The following KLHL18 variants were observed in gnomAD, a reference collection of about 807,000 sequenced individuals.
KLHL18 encodes the protein kelch like family member 18.
KLHL18 carries 38 observed loss-of-function variants against 58.5 expected under a neutral mutation model. That is an observed-to-expected ratio of 0.65 (90% CI 0.50 to 0.85). The LOEUF is 0.85. Ranked by LOEUF, KLHL18 falls within the 40% of genes least tolerant of loss-of-function variation. KLHL18 has a pLI of 0.00. For missense variants in KLHL18, 624 were observed against 778.4 expected (o/e 0.80, Z 2.36); for synonymous variants, 303 against 301.9 (o/e 1.00, Z -0.04).
rs1704136863 is a variant in KLHL18 at position 47,342,778 on chromosome 3, A to G, written c.1286A>G (p.Glu429Gly). 15 of 1,614,150 alleles carry G rather than the reference A, an allele frequency of 9.3e-6. No individual in the cohort carries two copies. The highest frequency in any genetic ancestry group is 1.3e-5 in the Non-Finnish European group (15 of 1,180,012). Residue 429 changes from glutamate (E) to glycine (G), a missense_variant, in exon 9 of 10, where the codon GAG becomes GGG. By Grantham distance (98) the Glu-to-Gly change is moderately conservative. Transcript: ENST00000232766. Reference protein sequence around the residue: ...NRSAAGVTVFEGRIYVSGGHD... With the variant: ...NRSAAGVTVFGGRIYVSGGHD... ...AGTGCTGCTGGGGTTACAGTCTTTG[A>G]GGGCAGGATATATGTGTCAGGCGGC...
Position 47,340,619 on chromosome 3 carries a change from G to GCTA in KLHL18, c.1171_1173dup (p.Tyr391dup), listed in dbSNP as rs1244976894. ...GATGGGCAGATCTACGTCTGTGGGG[G>GCTA]CTACGATGGCAACTCTTCCCTCAGC... On this transcript the variant is annotated inframe_insertion, in exon 8 of 10. Coordinates refer to ENST00000232766, the MANE Select transcript of KLHL18 (RefSeq NM_025010.5). 6.2e-7 allele frequency: 1 copy of GCTA among 1,614,060 alleles called. No homozygotes were observed. Among genetic ancestry groups the GCTA allele is most frequent in the East Asian group, 2.2e-5 (1 of 44,872 alleles).
At chr3:47,283,197 G>T in intron 1 of KLHL18, 103 bp downstream of exon 1, 4 of 1,110,142 alleles carry the variant, frequency 3.6e-6, no homozygotes, top group Non-Finnish European at 1.3e-6. Flanking sequence ...GAGAGGGGTG[G>T]GGAGAAGAGG....
rs1704230147 is a variant in KLHL18 at position 47,346,602 on chromosome 3, C to CT, written c.*2661_*2662insT. ...TGGCATTCACTGTCCTTGAGTGTTT[C>CT]ACCTTCTTGGATAACACACGGGCCT... is the stretch of plus-strand genomic sequence containing the variant. On this transcript the variant is annotated 3_prime_UTR_variant, in exon 10 of 10. Coordinates refer to ENST00000232766, the MANE Select transcript of KLHL18 (RefSeq NM_025010.5). 1 of 152,646 alleles carries CT rather than the reference C, an allele frequency of 6.6e-6. No homozygotes were observed. The highest frequency in any genetic ancestry group is 6.5e-5 in the Admixed American group (1 of 15,290). 9.5% of individuals were successfully genotyped at this position (152,646 alleles called of 1,614,324 possible).
At chr3:47,322,399 T>C (rs987193821) in intron 2 of KLHL18, among the ~76,000 whole-genome samples, 169 bp from the exon 3 acceptor site, 1 of 152,238 alleles carries the variant, frequency 6.6e-6, no homozygotes, top group Non-Finnish European at 1.5e-5. Context: ...TGTAGGGCAA[T>C]GAAGACAACT....
chr3:47,283,143 G>T lies in KLHL18; in HGVS notation c.129+49G>T, dbSNP rs374172018. On this transcript the variant is annotated intron_variant, in intron 1 of 9. Coordinates refer to ENST00000232766, the MANE Select transcript of KLHL18 (RefSeq NM_025010.5). ...GGCTGAGGGAAAAGGGGTCGAGCGG[G>T]GAGTAAAAAGGGGCGGGGGACAGAG... is the stretch of plus-strand genomic sequence containing the variant. 3 of 1,514,092 alleles carry T rather than the reference G, an allele frequency of 2.0e-6. No homozygotes were observed. The South Asian group carries it at 3.6e-5, about 18-fold the overall frequency. 93.8% of individuals were successfully genotyped at this position (1,514,092 alleles called of 1,614,324 possible).
At chr3:47,304,831 A>G (rs1413546617) in intron 1 of KLHL18, among the ~76,000 whole-genome samples, 2 of 152,124 alleles carry the variant, frequency 1.3e-5, no homozygotes, top group African/African-American at 4.8e-5. Flanking sequence ...CAAGACCAGC[A>G]TGGGCAACAT....
chr3:47,319,872 C>A, intron 2 of KLHL18, 89 bp downstream of exon 2: 1 of 1,360,788 alleles, frequency 7.3e-7, no homozygotes, highest in Non-Finnish European at 1.0e-6. Context: ...TGCAGCAGGA[C>A]ACAGTGTCTA....
rs779367093 is a variant in KLHL18 at position 47,333,322 on chromosome 3, G to A, written c.761+5G>A. 9.3e-6 allele frequency: 15 copies of A among 1,612,588 alleles called. No homozygotes were observed. Among genetic ancestry groups the A allele is most frequent in the Non-Finnish European group, 1.3e-5 (15 of 1,179,122 alleles). On this transcript the variant is annotated splice_donor_5th_base_variant and intron_variant, in intron 5 of 9. Transcript: ENST00000232766. Reference sequence around the variant, plus strand: ...GCGTTGCTGCCACAAATGCAGGTGAGTGAGGGTGGACCTGCACAGGACACT... The same window carrying A: ...GCGTTGCTGCCACAAATGCAGGTGAATGAGGGTGGACCTGCACAGGACACT...
intron 3 of KLHL18, among the ~76,000 whole-genome samples, chr3:47,329,731 C>T (rs1039601667): frequency 6.6e-5 from 10 of 152,190 alleles, no homozygotes; most frequent in African/African-American, 1.9e-4. Context: ...TTCCACCTGA[C>T]GCACAGAGCA....
chr3:47,317,502 G>A (rs979815132), intron 1 of KLHL18, among the ~76,000 whole-genome samples: 3 of 152,098 alleles, frequency 2.0e-5, no homozygotes, highest in Non-Finnish European at 4.4e-5. Flanking sequence ...ATAGGTGAGG[G>A]AAACAGAATT....
chr3:47,320,586 A>G (rs1196330844), intron 2 of KLHL18, among the ~76,000 whole-genome samples: 3 of 152,116 alleles, frequency 2.0e-5, no homozygotes, highest in East Asian at 1.9e-4. Flanking sequence ...AAGTGCCCCA[A>G]TACCGGAAGA....
In KLHL18 at chr3:47,334,550, G is replaced by A; in HGVS notation, c.762-133G>A. On this transcript the variant is annotated intron_variant, in intron 5 of 9. Transcript: ENST00000232766. The surrounding 1 kb of genome is among the most constrained non-coding windows in gnomAD (Gnocchi z 4.7). ...CCCAGAACTCACCTGGTTTCTTTGA[G>A]ACCAGACCTTCCAGAAGGCTTCTCC... The A allele has an allele frequency of 1.0e-6, 1 of 982,626 alleles. No individual in the cohort carries two copies. The highest frequency in any genetic ancestry group is 1.5e-6 in the Non-Finnish European group (1 of 652,388). The allele number at this position is 982,626 out of a possible 1,614,324, so 60.9% of individuals were successfully genotyped here. A position where few individuals can be genotyped will look rare whatever the true frequency, so the allele number is the denominator to read the frequency against.
At chr3:47,290,585 C>T (rs981323553) in intron 1 of KLHL18, among the ~76,000 whole-genome samples, 2 of 152,092 alleles carry the variant, frequency 1.3e-5, no homozygotes, top group Admixed American at 6.6e-5. Flanking sequence ...CCTCAGCCTC[C>T]CAAGTAGCTG....
intron 9 of KLHL18, among the ~76,000 whole-genome samples, 161 bp downstream of exon 9, chr3:47,342,991 T>A (rs1704143176): frequency 6.6e-6 from 1 of 152,146 alleles, no homozygotes; most frequent in African/African-American, 2.4e-5. Context: ...ATTCTGAACT[T>A]CCAGAGAATG....
At chr3:47,305,683 T>C (rs1370053275) in intron 1 of KLHL18, among the ~76,000 whole-genome samples, 2 of 147,382 alleles carry the variant, frequency 1.4e-5, no homozygotes, top group Admixed American at 1.4e-4. Flanking sequence ...AAAATTGGTA[T>C]TAATTCTATT....
At chr3:47,311,255 T>G (rs1267790697) in intron 1 of KLHL18, among the ~76,000 whole-genome samples, 1 of 152,092 alleles carries the variant, frequency 6.6e-6, no homozygotes, top group South Asian at 2.1e-4. Context: ...TTGATACTTT[T>G]AAAGTAACAT....
At chr3:47,338,405 G>A (rs1704032884) in intron 7 of KLHL18, 1 of 152,318 alleles carries the variant, frequency 6.6e-6, no homozygotes, top group South Asian at 2.1e-4. Context: ...GTAAATTTGT[G>A]ATCTTCCCAC....
intron 3 of KLHL18, among the ~76,000 whole-genome samples, chr3:47,329,266 C>T (rs992271340): frequency 1.3e-5 from 2 of 151,786 alleles, no homozygotes; most frequent in Admixed American, 6.6e-5. Flanking sequence ...CTTGCTCTGT[C>T]GCCCAGGCTG....
In KLHL18 at chr3:47,330,042, C is replaced by T; in HGVS notation, c.493C>T (p.Gln165Ter). 1 of 1,614,098 alleles carries T rather than the reference C, an allele frequency of 6.2e-7. No homozygotes were observed. The highest frequency in any genetic ancestry group is 8.5e-7 in the Non-Finnish European group (1 of 1,180,014). ...CGACGCTGCCAACAGCTTCATCCAC[C>T]AGCACTTTGTGGAGGTGTCCATGTC... ...LYDAANSFIH[Q>*]HFVEVSMSEE... is the part of the protein sequence containing the mutation. The change falls in exon 4 of 10, where the codon CAG becomes TAG. Residue 165 changes from glutamine (Q) to a stop codon, truncating the protein, a stop_gained. Coordinates refer to ENST00000232766, the MANE Select transcript of KLHL18 (RefSeq NM_025010.5). LOFTEE classifies it high-confidence loss of function.
Sources: allele counts gnomAD v4.1 joint callset (sites outside exome capture counted in the v4.1 genomes callset), GRCh38; gene constraint gnomAD v4.1.1; non-coding constraint Gnocchi (gnomAD v3.1); transcripts MANE v1.5; gene names NCBI Gene and HGNC (gene_info 2026-07-23, HGNC 2026-07-21).